Variants in SEMA5A observed in about 807,000 individuals in gnomAD.
The protein encoded by SEMA5A is semaphorin 5A.
A neutral mutation model predicts 135.5 loss-of-function variants in SEMA5A; 55 were observed. The observed-to-expected ratio is 0.41, with a 90% CI of 0.33 to 0.51. The LOEUF is 0.51. Ranked by LOEUF, SEMA5A falls within the 20% of genes least tolerant of loss-of-function variation. The probability of loss-of-function intolerance (pLI) is 0.37; values close to 1 mark genes in which losing one functional copy is unlikely to be tolerated. For missense variants in SEMA5A, 1,290 were observed against 1,419.9 expected (o/e 0.91, Z 1.47); for synonymous variants, 580 against 546.5 (o/e 1.06, Z -0.85).
chr5:9,366,224 T>A (rs1754907175), intron 3 of SEMA5A, among the ~76,000 whole-genome samples: 1 of 152,140 alleles, frequency 6.6e-6, no homozygotes, highest in Non-Finnish European at 1.5e-5. Context: ...ATGGCTGTAA[T>A]CTCTTTATAT....
At chr5:9,218,072 A>G (rs1205407057) in intron 8 of SEMA5A, among the ~76,000 whole-genome samples, 1 of 152,170 alleles carries the variant, frequency 6.6e-6, no homozygotes, top group Non-Finnish European at 1.5e-5. Flanking sequence ...AGGAGGGAGA[A>G]GAGAAGAAAA....
At chr5:9,223,578 A>G (rs1747125878) in intron 8 of SEMA5A, among the ~76,000 whole-genome samples, 2 of 152,190 alleles carry the variant, frequency 1.3e-5, no homozygotes, top group South Asian at 4.1e-4. Flanking sequence ...CAACTAAGAC[A>G]ATTTGGCCCA....
intron 13 of SEMA5A, among the ~76,000 whole-genome samples, chr5:9,130,299 C>G (rs1741336630): frequency 6.6e-6 from 1 of 151,528 alleles, no homozygotes; most frequent in African/African-American, 2.4e-5. Context: ...GATATTTTTT[C>G]AAAAATTAAA....
At chr5:9,114,281 T>C (rs1325951332) in intron 15 of SEMA5A, among the ~76,000 whole-genome samples, 11 of 152,236 alleles carry the variant, frequency 7.2e-5, no homozygotes, top group Non-Finnish European at 5.9e-5. Context: ...AAATTAGAGG[T>C]TATCAGGGGT....
intron 8 of SEMA5A, among the ~76,000 whole-genome samples, chr5:9,223,441 T>A (rs570078605): frequency 1.3e-5 from 2 of 152,078 alleles, no homozygotes; most frequent in African/African-American, 4.8e-5. Context: ...TACTGAAAAA[T>A]TGCTGAAAAC....
intron 5 of SEMA5A, among the ~76,000 whole-genome samples, chr5:9,314,846 A>G (rs1164353697): frequency 5.3e-5 from 8 of 152,058 alleles, no homozygotes; most frequent in African/African-American, 1.9e-4. Context: ...GACCTCTATC[A>G]TTAGAGCCGC....
chr5:9,192,389 TG>T lies in SEMA5A; in HGVS notation c.1069-1919del, dbSNP rs567420058. Among the ~76,000 whole-genome samples the T allele has an allele frequency of 5.3e-5, 8 of 152,352 alleles. No homozygotes were observed. The South Asian group carries it at 1.7e-3, about 32-fold the overall frequency. On this transcript the variant is annotated intron_variant, in intron 10 of 22. Transcript: ENST00000382496. ...TAAATTAACTGGAAGTCCTTATAAATGCCAAAGAACAAGACAATGTGCCTGG... is the reference window on the plus strand; with the variant it reads ...TAAATTAACTGGAAGTCCTTATAAATCCAAAGAACAAGACAATGTGCCTGG...
intron 13 of SEMA5A, among the ~76,000 whole-genome samples, chr5:9,130,646 G>C (rs1260062201): frequency 6.6e-6 from 1 of 152,140 alleles, no homozygotes. Context: ...ATTGAAAGTT[G>C]CCTCACATGG....
chr5:9,066,459 T>A lies in SEMA5A; in HGVS notation c.2261A>T (p.Tyr754Phe). ...GCCACTGGTGCCGTCGCTAGAACAG[T>A]ACCGCATTTCGATTCTCTGTCTTCC... ...EVGRQRIEMR[Y>F]CSSDGTSGCS... Residue 754 changes from tyrosine (Y) to phenylalanine (F), a missense_variant, in exon 17 of 23, where the codon TAC becomes TTC. Physicochemically the swap from Tyr to Phe is conservative, Grantham distance 22 (BLOSUM62 3). This residue lies in a region of SEMA5A where 1,029 missense variants were observed against 1,086.6 expected (regional missense o/e 0.95). Transcript: ENST00000382496. 1 of 1,614,232 alleles carries A rather than the reference T, an allele frequency of 6.2e-7. No individual in the cohort carries two copies.
chr5:9,429,303 A>T (rs1757776451), intron 2 of SEMA5A, among the ~76,000 whole-genome samples: 1 of 152,142 alleles, frequency 6.6e-6, no homozygotes, highest in Non-Finnish European at 1.5e-5. Flanking sequence ...ATAGGGTATT[A>T]CTCATGCGAT....
intron 16 of SEMA5A, among the ~76,000 whole-genome samples, chr5:9,086,528 A>G (rs573169506): frequency 6.6e-6 from 1 of 152,296 alleles, no homozygotes; most frequent in African/African-American, 2.4e-5. Flanking sequence ...ACCTTCCACC[A>G]TGATTGTGAT....
chr5:9,305,158 AGT>A (rs1453327670), intron 5 of SEMA5A, among the ~76,000 whole-genome samples: 2 of 151,988 alleles, frequency 1.3e-5, no homozygotes, highest in Non-Finnish European at 2.9e-5. Context: ...TCCTGGGCCT[AGT>A]GTGTTAACCA....
intron 9 of SEMA5A, among the ~76,000 whole-genome samples, chr5:9,201,174 A>T (rs2150366379): frequency 6.6e-6 from 1 of 152,304 alleles, no homozygotes; most frequent in East Asian, 1.9e-4. Flanking sequence ...AGTGATGCTC[A>T]GAGTCTCAAT....
At chr5:9,189,227 C>T (rs13354182) in intron 11 of SEMA5A, among the ~76,000 whole-genome samples, 14,047 of 152,224 alleles carry the variant, frequency 0.092, 1,062 homozygotes, top group African/African-American at 0.17. Context: ...GTCTGCTCAC[C>T]GTCACCTTCC....
chr5:9,181,374 C>G (rs1254415773), intron 11 of SEMA5A, among the ~76,000 whole-genome samples: 1 of 152,194 alleles, frequency 6.6e-6, no homozygotes, highest in African/African-American at 2.4e-5. Flanking sequence ...TCCATCTTTA[C>G]CTAGTATTAA....
rs73036732 is a variant in SEMA5A, at chr5:9,456,541, A to C, written c.-174-18689T>G. On this transcript the variant is annotated intron_variant, in intron 1 of 22. Coordinates refer to ENST00000382496, the MANE Select transcript of SEMA5A (RefSeq NM_003966.3). ...AATTAAGGACACCTGTGATTTTAGG[A>C]GCTAACAAAAAGCAGATGTGTCATG... Among the ~76,000 whole-genome samples the C allele has an allele frequency of 7.7e-3, 1,178 of 152,220 alleles. 10 individuals carry two copies. Among genetic ancestry groups the C allele is most frequent in the African/African-American group, 0.027 (1,116 of 41,526 alleles).
rs552465753 is a variant in SEMA5A, at chr5:9,088,333, GAA to G, written c.2073+19805_2073+19806del. 3.5e-4 allele frequency among the ~76,000 whole-genome samples: 52 copies of G among 148,878 alleles called. 1 individual carries two copies. Among genetic ancestry groups the G allele is most frequent in the African/African-American group, 1.1e-3 (43 of 40,510 alleles). ...AAAAAAAAAAAGAAAAGAAAAGAAA[GAA>G]AGTATTTTTTTAATTTCTTAATTTT... On this transcript the variant is annotated intron_variant, in intron 16 of 22. Transcript: ENST00000382496.
chr5:9,115,464 C>T (rs1279965381), intron 15 of SEMA5A, among the ~76,000 whole-genome samples: 3 of 152,228 alleles, frequency 2.0e-5, no homozygotes, highest in Non-Finnish European at 4.4e-5. Context: ...CACCCACCTA[C>T]TGCCTTTTTG....
chr5:9,378,558 G>A (rs995002463), intron 3 of SEMA5A, among the ~76,000 whole-genome samples: 1 of 152,170 alleles, frequency 6.6e-6, no homozygotes, highest in South Asian at 2.1e-4. Context: ...AGACATCTTT[G>A]GAAAGAGGAA....
Sources: gnomAD v4.1 joint callset for allele counts (sites outside exome capture counted in the v4.1 genomes callset) on GRCh38, gnomAD v4.1.1 for gene constraint, gnomAD v4.1.1 regional missense constraint, MANE v1.5 for transcripts, NCBI Gene and HGNC (gene_info 2026-07-23, HGNC 2026-07-21) for gene names.